CNOT2: variants seen among roughly 807,000 people sequenced by gnomAD.
CNOT2 encodes the protein CCR4-NOT transcription complex subunit 2.
In CNOT2, 7 loss-of-function variants were observed where a neutral mutation model predicts 72.1. That is an observed-to-expected ratio of 0.10 (90% CI 0.06 to 0.18). The LOEUF (loss-of-function observed/expected upper bound fraction) is 0.18, where lower values mean the gene tolerates loss of function less well. Ranked by LOEUF, CNOT2 falls within the 10% of genes least tolerant of loss-of-function variation. The pLI is 1.00. For missense variants in CNOT2, 345 were observed against 660.3 expected, an observed-to-expected ratio of 0.52 and a Z score of 5.23; for synonymous variants, 196 against 225.6, an observed-to-expected ratio of 0.87 and a Z score of 1.17.
chr12:70,245,394 A>G (rs112683492), intron 1 of CNOT2, among the ~76,000 whole-genome samples: 1 of 152,128 alleles, frequency 6.6e-6, no homozygotes, highest in African/African-American at 2.4e-5. Flanking sequence ...AATACTTTGT[A>G]TTTTAGAGAG....
chr12:70,291,152 A>G (rs1017458576), intron 2 of CNOT2, among the ~76,000 whole-genome samples: 4 of 152,178 alleles, frequency 2.6e-5, no homozygotes, highest in Admixed American at 2.6e-4. Context: ...CAGTAGGCCC[A>G]TAGATACAGT....
At chr12:70,352,600 CT>C (rs1448948828) in intron 15 of CNOT2, among the ~76,000 whole-genome samples, 1 of 152,152 alleles carries the variant, frequency 6.6e-6, no homozygotes, top group Non-Finnish European at 1.5e-5. Context: ...GCTAATGTCA[CT>C]TGTTGCCTTA....
At chr12:70,275,709 A>G (rs1331734218) in intron 1 of CNOT2, among the ~76,000 whole-genome samples, 1 of 152,012 alleles carries the variant, frequency 6.6e-6, no homozygotes, top group African/African-American at 2.4e-5. Flanking sequence ...TTGGTGGGAG[A>G]ACAGTGTATA....
At chr12:70,339,797 G>A (rs942265797) in intron 11 of CNOT2, among the ~76,000 whole-genome samples, 2 of 151,964 alleles carry the variant, frequency 1.3e-5, no homozygotes, top group African/African-American at 2.4e-5. Context: ...CACTTTTACT[G>A]TACTAAGAAA....
At chr12:70,302,839 G>A (rs1337320545) in intron 2 of CNOT2, among the ~76,000 whole-genome samples, 5 of 152,134 alleles carry the variant, frequency 3.3e-5, no homozygotes. Flanking sequence ...CATTATTATT[G>A]TGTGGGAGTC....
intron 2 of CNOT2, among the ~76,000 whole-genome samples, chr12:70,307,265 T>A (rs1442229112): frequency 6.6e-6 from 1 of 152,346 alleles, no homozygotes. Flanking sequence ...CCTTTTTAAT[T>A]TTTTAAAATC....
chr12:70,289,652 A>G (rs1871528066), intron 2 of CNOT2, among the ~76,000 whole-genome samples: 1 of 151,642 alleles, frequency 6.6e-6, no homozygotes. Flanking sequence ...ACCATGCTTT[A>G]GTTAGGATAG....
Position 70,342,337 on chromosome 12 carries a change from A to G in CNOT2, c.1290+30A>G, listed in dbSNP as rs1359699346. ...GTGTAGTTTATTATTCTACTCAGTC[A>G]GCATGAATTTATCTATTTTTCACAT... On this transcript the variant is annotated intron_variant, in intron 13 of 15. Transcript: ENST00000229195. The G allele has an allele frequency of 1.9e-6, 3 of 1,607,472 alleles. No individual in the cohort carries two copies. In the Admixed American group the frequency reaches 5.1e-5, roughly 27 times the overall value.
chr12:70,305,298 C>T lies in CNOT2; in HGVS notation c.49-5597C>T, dbSNP rs112045787. On this transcript the variant is annotated intron_variant, in intron 2 of 15. Transcript: ENST00000229195. ...GCTATAGACTGGAGCTGTTCCTATT[C>T]GGCCATCTTGGCTCCACCCTCATGA... Among the ~76,000 whole-genome samples, 537 of 152,286 alleles carry T rather than the reference C, an allele frequency of 3.5e-3. 3 individuals are homozygous for T. The highest frequency in any genetic ancestry group is 0.012 in the African/African-American group (495 of 41,556).
Position 70,337,466 on chromosome 12 carries a change from G to A in CNOT2, c.853G>A (p.Gly285Ser). ...CAATGAAGATTTTCCAGCATTACCA[G>A]GCTCCAGCTATAAAGATCCAACATC... Reference protein sequence around the residue: ...IHNEDFPALPGSSYKDPTSSN... With the variant: ...IHNEDFPALPSSSYKDPTSSN... Residue 285 changes from glycine to serine, a missense_variant, in exon 9 of 16, where the codon GGC becomes AGC. Gly to Ser is a moderately conservative substitution (Grantham distance 56). Coordinates refer to ENST00000229195, the MANE Select transcript of CNOT2 (RefSeq NM_014515.7). 1 of 1,611,576 alleles carries A rather than the reference G, an allele frequency of 6.2e-7. No homozygotes were observed. Among genetic ancestry groups the A allele is most frequent in the Non-Finnish European group, 8.5e-7 (1 of 1,178,260 alleles).
rs925990353 is a variant in CNOT2, at chr12:70,287,454, T to C, written c.48+9180T>C. On this transcript the variant is annotated intron_variant, in intron 2 of 15. Coordinates refer to ENST00000229195, the MANE Select transcript of CNOT2 (RefSeq NM_014515.7). ...ACGTTTTTAATTTTCCAGGTAATTATCAGGTTTGTCTAGTTATCTTTTTGT... is the reference window on the plus strand; with the variant it reads ...ACGTTTTTAATTTTCCAGGTAATTACCAGGTTTGTCTAGTTATCTTTTTGT... 1.3e-5 allele frequency among the ~76,000 whole-genome samples: 2 copies of C among 149,852 alleles called. 1 individual carries two copies. The highest frequency in any genetic ancestry group is 3.0e-5 in the Non-Finnish European group (2 of 67,592).
At position 70,337,651 on chromosome 12, in the gene CNOT2, T is replaced by C. The variant is rs966472310; in HGVS notation, c.900+138T>C. On this transcript the variant is annotated intron_variant, in intron 9 of 15. Coordinates refer to ENST00000229195, the MANE Select transcript of CNOT2 (RefSeq NM_014515.7). ...GTAATAACCTAACTTCTGAAGAATG[T>C]GGAAAAGCTTTATAACTTAGAAGAT... 9 of 925,080 alleles carry C rather than the reference T, an allele frequency of 9.7e-6. No individual in the cohort carries two copies. The African/African-American group carries it at 1.5e-4, about 16-fold the overall frequency. 57.3% of individuals were successfully genotyped at this position (925,080 alleles called of 1,614,324 possible).
intron 4 of CNOT2, among the ~76,000 whole-genome samples, chr12:70,326,882 G>A (rs1879157222): frequency 6.6e-6 from 1 of 151,776 alleles, no homozygotes; most frequent in Non-Finnish European, 1.5e-5. Context: ...CTGAAAGTAA[G>A]TTACTTTATT....
chr12:70,282,551 T>G (rs1353951780), intron 2 of CNOT2, among the ~76,000 whole-genome samples: 1 of 152,212 alleles, frequency 6.6e-6, no homozygotes, highest in Non-Finnish European at 1.5e-5. Flanking sequence ...ACAACTTTAC[T>G]CTTAACAGTT....
At chr12:70,305,421 C>T (rs1458875165) in intron 2 of CNOT2, among the ~76,000 whole-genome samples, 2 of 152,120 alleles carry the variant, frequency 1.3e-5, no homozygotes, top group African/African-American at 4.8e-5. Flanking sequence ...GGGATTATTA[C>T]AGTTCAAGGT....
chr12:70,321,281 T>C (rs951515151), intron 4 of CNOT2, among the ~76,000 whole-genome samples: 1 of 151,776 alleles, frequency 6.6e-6, no homozygotes, highest in Non-Finnish European at 1.5e-5. Context: ...TTCCAAGATA[T>C]CGATCTAGAA....
At chr12:70,349,836 T>C (rs1882651668) in intron 15 of CNOT2, among the ~76,000 whole-genome samples, 2 of 151,192 alleles carry the variant, frequency 1.3e-5, no homozygotes, top group African/African-American at 2.4e-5. Flanking sequence ...TCTGTCTCTA[T>C]AGAAAGAGAG....
intron 2 of CNOT2, among the ~76,000 whole-genome samples, chr12:70,290,002 G>T (rs188200925): frequency 1.3e-5 from 2 of 152,046 alleles, no homozygotes; most frequent in East Asian, 3.9e-4. Flanking sequence ...ACTTATAATA[G>T]AAGCCATTTG....
At chr12:70,346,411 C>G (rs1200217237) in intron 15 of CNOT2, 87 bp downstream of exon 15, 5 of 1,093,160 alleles carry the variant, frequency 4.6e-6, no homozygotes, top group African/African-American at 3.1e-5. Flanking sequence ...ACCAATACAT[C>G]CAGTTCCAGT....
Sources: gnomAD v4.1 joint callset for allele counts (sites outside exome capture counted in the v4.1 genomes callset) on GRCh38, gnomAD v4.1.1 for gene constraint, MANE v1.5 for transcripts, NCBI Gene and HGNC (gene_info 2026-07-23, HGNC 2026-07-21) for gene names.